Variants in CEP128 observed in about 807,000 individuals in gnomAD.
CEP128 encodes the protein centrosomal protein 128, also known as centrosomal protein 128kDa.
CEP128 carries 132 observed loss-of-function variants against 156.7 expected under a neutral mutation model. The observed-to-expected ratio is 0.84, with a 90% CI of 0.73 to 0.97. CEP128 has a LOEUF of 0.97. Among genes scored for constraint, CEP128 ranks in the 50% least tolerant of loss-of-function variants. CEP128 has a pLI of 0.00. For synonymous variants in CEP128, 469 were observed against 448.9 expected, an observed-to-expected ratio of 1.04 and a Z score of -0.57; for missense variants, 1,252 against 1,281.9, an observed-to-expected ratio of 0.98 and a Z score of 0.36.
At chr14:80,790,666 CCTTA>C (rs567804749) in intron 14 of CEP128, among the ~76,000 whole-genome samples, 21 of 151,542 alleles carry the variant, frequency 1.4e-4, no homozygotes, top group Non-Finnish European at 2.9e-4. Flanking sequence ...TATCTGATAA[CCTTA>C]CTAAGATTCC....
At chr14:80,902,604 G>A (rs1057468613) in intron 6 of CEP128, among the ~76,000 whole-genome samples, 5 of 151,980 alleles carry the variant, frequency 3.3e-5, no homozygotes, top group African/African-American at 1.2e-4. Context: ...ACAACAAAAG[G>A]AAAAATTACA....
intron 8 of CEP128, among the ~76,000 whole-genome samples, chr14:80,885,143 A>C (rs1158261017): frequency 1.1e-4 from 17 of 152,160 alleles, no homozygotes; most frequent in Non-Finnish European, 1.5e-5. Flanking sequence ...CTTATAGATA[A>C]AACTCCCATC....
intron 21 of CEP128, among the ~76,000 whole-genome samples, chr14:80,549,039 A>C (rs1187447217): frequency 6.6e-6 from 1 of 152,194 alleles, no homozygotes; most frequent in African/African-American, 2.4e-5. Flanking sequence ...ATGTTTCAGA[A>C]GCTTAACCCT....
At chr14:80,607,116 A>T (rs1049651980) in intron 19 of CEP128, among the ~76,000 whole-genome samples, 7 of 151,988 alleles carry the variant, frequency 4.6e-5, no homozygotes, top group Non-Finnish European at 1.0e-4. Context: ...AATGAGCTAC[A>T]TGTGTTTATC....
At chr14:80,511,729 G>C (rs911944777) in intron 23 of CEP128, among the ~76,000 whole-genome samples, 1 of 151,738 alleles carries the variant, frequency 6.6e-6, no homozygotes, top group Non-Finnish European at 1.5e-5. Context: ...GGCATTTATT[G>C]CTATAAACTT....
chr14:80,606,977 A>G (rs1478962473), intron 19 of CEP128, among the ~76,000 whole-genome samples: 2 of 151,618 alleles, frequency 1.3e-5, no homozygotes, highest in Non-Finnish European at 2.9e-5. Flanking sequence ...ACATATATAC[A>G]TATATATACA....
chr14:80,914,519 T>C (rs1884436818), intron 3 of CEP128, 111 bp from the exon 4 acceptor site: 1 of 755,902 alleles, frequency 1.3e-6, no homozygotes. Flanking sequence ...GTACAACTTT[T>C]ATCATGGCTG....
intron 16 of CEP128, among the ~76,000 whole-genome samples, chr14:80,772,220 T>G (rs1900547045): frequency 6.6e-6 from 1 of 152,058 alleles, no homozygotes; most frequent in African/African-American, 2.4e-5. Context: ...CATCCCTCTA[T>G]CTGGTACCCA....
chr14:80,914,739 T>A, intron 3 of CEP128, among the ~76,000 whole-genome samples: 1 of 152,164 alleles, frequency 6.6e-6, no homozygotes, highest in East Asian at 1.9e-4. Flanking sequence ...ACCCTCTTTA[T>A]AGAAAAGGAA....
chr14:80,832,383 C>A (rs1002578930), intron 12 of CEP128, among the ~76,000 whole-genome samples: 30 of 151,614 alleles, frequency 2.0e-4, no homozygotes, highest in African/African-American at 7.3e-4. Flanking sequence ...TAGTGGTTTC[C>A]TTTCCAGAAA....
chr14:80,798,979 A>C (rs1052612305), intron 13 of CEP128, among the ~76,000 whole-genome samples: 2 of 152,374 alleles, frequency 1.3e-5, no homozygotes, highest in African/African-American at 4.8e-5. Context: ...TTTCATTTAT[A>C]GTATTTATGT....
At chr14:80,840,601 G>A (rs1886303767) in intron 10 of CEP128, 81 bp downstream of exon 10, 3 of 832,824 alleles carry the variant, frequency 3.6e-6, no homozygotes, top group African/African-American at 3.4e-5. Context: ...AAGGATCCTG[G>A]GGACACTTTT....
intron 23 of CEP128, among the ~76,000 whole-genome samples, chr14:80,525,494 C>T (rs923279410): frequency 6.6e-6 from 1 of 152,150 alleles, no homozygotes; most frequent in Non-Finnish European, 1.5e-5. Context: ...CTAAAATATG[C>T]TCAATAATCA....
chr14:80,906,951 G>C (rs1486972075), intron 4 of CEP128, among the ~76,000 whole-genome samples: 1 of 152,294 alleles, frequency 6.6e-6, no homozygotes, highest in East Asian at 1.9e-4. Context: ...CATGGAACAA[G>C]TCATCTATAA....
At chr14:80,874,087 G>T (rs1426513246) in intron 8 of CEP128, among the ~76,000 whole-genome samples, 2 of 152,130 alleles carry the variant, frequency 1.3e-5, no homozygotes, top group Non-Finnish European at 2.9e-5. Context: ...CAACAAGCAT[G>T]TTCACAAGAT....
intron 19 of CEP128, among the ~76,000 whole-genome samples, chr14:80,612,800 T>C (rs1466578788): frequency 6.6e-6 from 1 of 152,182 alleles, no homozygotes; most frequent in Non-Finnish European, 1.5e-5. Context: ...AAGTAATTTC[T>C]AAAATCCATA....
chr14:80,773,235 T>C (rs1214818681), intron 16 of CEP128, among the ~76,000 whole-genome samples: 1 of 152,194 alleles, frequency 6.6e-6, no homozygotes, highest in Non-Finnish European at 1.5e-5. Context: ...CCTTCACTAA[T>C]ACTGGAAAAT....
In CEP128 at chr14:80,537,601, T is replaced by C. The variant is rs79483156; in HGVS notation, c.2881-6715A>G. ...TTGAGATCTACAATCTACTTAATTGTAATCACTTCATTTCTTAAAACTGAA... is the reference window on the plus strand; with the variant it reads ...TTGAGATCTACAATCTACTTAATTGCAATCACTTCATTTCTTAAAACTGAA... On this transcript the variant is annotated intron_variant, in intron 21 of 24. Transcript: ENST00000555265. 3.6e-3 allele frequency among the ~76,000 whole-genome samples: 553 copies of C among 152,340 alleles called. 3 individuals carry two copies. Among genetic ancestry groups the C allele is most frequent in the African/African-American group, 0.013 (522 of 41,578 alleles).
In CEP128 at chr14:80,682,064, T is replaced by C. The variant is rs535426586; in HGVS notation, c.2806+61011A>G. Among the ~76,000 whole-genome samples the C allele has an allele frequency of 7.2e-5, 11 of 152,216 alleles. No individual in the cohort carries two copies. In the South Asian group the frequency reaches 1.2e-3, roughly 17 times the overall value. ...TCAAACACACAGTTAGCTATGATCA[T>C]GCCACTGCACTGCAGCCTGGTTGAC... On this transcript the variant is annotated intron_variant, in intron 19 of 24. Coordinates refer to ENST00000555265, the MANE Select transcript of CEP128 (RefSeq NM_152446.5).
Sources: allele counts gnomAD v4.1 joint callset (sites outside exome capture counted in the v4.1 genomes callset), GRCh38; gene constraint gnomAD v4.1.1; transcripts MANE v1.5; gene names NCBI Gene and HGNC (gene_info 2026-07-23, HGNC 2026-07-21).